Variants in CARNMT1 observed in about 807,000 individuals in gnomAD.
CARNMT1 encodes the protein protein-L-histidine N-pros-methyltransferase CARNMT1.
CARNMT1 carries 28 observed loss-of-function variants against 49.6 expected under a neutral mutation model. The observed-to-expected ratio is 0.56, with a 90% CI of 0.42 to 0.77. The LOEUF (loss-of-function observed/expected upper bound fraction) is 0.77, where lower values mean the gene tolerates loss of function less well. Ranked by LOEUF, CARNMT1 falls within the 30% of genes least tolerant of loss-of-function variation. The probability of loss-of-function intolerance (pLI) is 0.00; values close to 1 mark genes in which losing one functional copy is unlikely to be tolerated. For missense variants in CARNMT1, 421 were observed against 512.6 expected, an observed-to-expected ratio of 0.82 and a Z score of 1.73; for synonymous variants, 178 against 175.0, an observed-to-expected ratio of 1.02 and a Z score of -0.13.
chr9:75,012,156 G>GA (rs1439141856), intron 3 of CARNMT1, among the ~76,000 whole-genome samples: 2 of 152,162 alleles, frequency 1.3e-5, no homozygotes, highest in Non-Finnish European at 1.5e-5. Context: ...TCAAGGTCTT[G>GA]ATGCCAAACA....
At chr9:74,992,328 A>C (rs1833051642) in intron 6 of CARNMT1, among the ~76,000 whole-genome samples, 2 of 152,042 alleles carry the variant, frequency 1.3e-5, no homozygotes, top group Admixed American at 1.3e-4. Context: ...ATCTGATAAG[A>C]CCTATCTTTC....
intron 2 of CARNMT1, 100 bp downstream of exon 2, chr9:75,017,153 G>A (rs543524461): frequency 2.3e-6 from 2 of 857,028 alleles, no homozygotes; most frequent in African/African-American, 3.4e-5. Context: ...AGAGCAAATA[G>A]CCTGTGCCAG....
Position 75,016,331 on chromosome 9 carries a change from T to G in CARNMT1, c.527A>C (p.Glu176Ala). 6.2e-7 allele frequency: 1 copy of G among 1,614,154 alleles called. No homozygotes were observed. The highest frequency in any genetic ancestry group is 8.5e-7 in the Non-Finnish European group (1 of 1,180,010). ...VRDWSETGKA[E>A]RDACYQPIIK... The stretch of plus-strand genomic sequence containing the variant: ...GATTGGCTGGTAACAGGCATCCCTT[T>G]CTGCTTTCCCAGTTTCACTCCAGTC... Residue 176 changes from glutamate (E) to alanine (A), a missense_variant, in exon 3 of 8, where the codon GAA (glutamate) becomes GCA (alanine). This residue lies in a region of CARNMT1 where 235 missense variants were observed against 344.8 expected (regional missense o/e 0.68). Coordinates refer to ENST00000376834, the MANE Select transcript of CARNMT1 (RefSeq NM_152420.3).
At chr9:75,008,300 T>A (rs771849108) in intron 3 of CARNMT1, among the ~76,000 whole-genome samples, 3 of 152,150 alleles carry the variant, frequency 2.0e-5, no homozygotes, top group Non-Finnish European at 4.4e-5. Context: ...CAAGTTTGAT[T>A]TAAAAGAATT....
At chr9:75,023,361 T>A (rs982423594) in intron 1 of CARNMT1, among the ~76,000 whole-genome samples, 1 of 152,182 alleles carries the variant, frequency 6.6e-6, no homozygotes, top group Non-Finnish European at 1.5e-5. Flanking sequence ...GCAATAAATG[T>A]TCAGTTATAT....
intron 1 of CARNMT1, among the ~76,000 whole-genome samples, chr9:75,021,403 C>A (rs961259125): frequency 7.0e-6 from 1 of 143,754 alleles, no homozygotes; most frequent in Non-Finnish European, 1.5e-5. Flanking sequence ...AGTATATATA[C>A]TATATACATA....
chr9:74,982,571 T>C lies in CARNMT1; in HGVS notation c.*1196A>G, dbSNP rs1454788804. 7 of 152,198 alleles carry C rather than the reference T, an allele frequency of 4.6e-5. No individual in the cohort carries two copies. Among genetic ancestry groups the C allele is most frequent in the Non-Finnish European group, 7.4e-5 (5 of 68,026 alleles). 9.4% of individuals were successfully genotyped at this position (152,198 alleles called of 1,614,324 possible). On this transcript the variant is annotated 3_prime_UTR_variant, in exon 8 of 8. Transcript: ENST00000376834. ...TACATGATGGCTGCTGCTTACAATATTGAAGACACAGACCACGGGCAGTAA... is the reference window on the plus strand; with the variant it reads ...TACATGATGGCTGCTGCTTACAATACTGAAGACACAGACCACGGGCAGTAA...
intron 1 of CARNMT1, among the ~76,000 whole-genome samples, chr9:75,020,265 TTC>T (rs1822305552): frequency 4.2e-5 from 6 of 141,650 alleles, no homozygotes; most frequent in Admixed American, 4.2e-4. Flanking sequence ...TTCATTTTTC[TTC>T]TTTTTTTTTT....
rs1299491486 is a variant in CARNMT1 at position 74,982,373 on chromosome 9, G to A, written c.*1394C>T. ...AGTTCTTCCTTTTCTCCAAGAAAAG[G>A]CTAAAACATTAGTCATCTCTACTTT... On this transcript the variant is annotated 3_prime_UTR_variant, in exon 8 of 8. Transcript: ENST00000376834. The A allele has an allele frequency of 1.3e-5, 2 of 152,082 alleles. No individual in the cohort carries two copies. Among genetic ancestry groups the A allele is most frequent in the Non-Finnish European group, 2.9e-5 (2 of 68,018 alleles). The allele number at this position is 152,082 out of a possible 1,614,324, so 9.4% of individuals were successfully genotyped here.
intron 1 of CARNMT1, 118 bp downstream of exon 1, chr9:75,027,894 G>T: frequency 8.6e-7 from 1 of 1,159,670 alleles, no homozygotes; most frequent in South Asian, 1.9e-5. Flanking sequence ...TGCAGCAGCC[G>T]GGTCCCGACG....
chr9:75,006,271 T>C (rs953503126), intron 3 of CARNMT1, among the ~76,000 whole-genome samples: 3 of 151,692 alleles, frequency 2.0e-5, no homozygotes, highest in African/African-American at 7.3e-5. Context: ...AGGGTGGTCT[T>C]GAACTCCTGA....
chr9:74,985,280 G>A (rs928302275), intron 6 of CARNMT1, among the ~76,000 whole-genome samples: 9 of 152,184 alleles, frequency 5.9e-5, no homozygotes, highest in Admixed American at 1.3e-4. Flanking sequence ...GTTACTGAAG[G>A]AGTAGATGAA....
intron 6 of CARNMT1, among the ~76,000 whole-genome samples, chr9:74,995,804 A>G (rs990622487): frequency 6.6e-6 from 1 of 152,212 alleles, no homozygotes; most frequent in Admixed American, 6.5e-5. Flanking sequence ...GAATACATGT[A>G]TATCTACCTG....
chr9:74,991,811 A>G (rs1324323490), intron 6 of CARNMT1: 1 of 152,126 alleles, frequency 6.6e-6, no homozygotes, highest in East Asian at 1.9e-4. Context: ...CGCAAAACTT[A>G]CCTATCTACC....
chr9:75,022,762 G>C (rs1246436609), intron 1 of CARNMT1, among the ~76,000 whole-genome samples: 3 of 152,056 alleles, frequency 2.0e-5, no homozygotes, highest in Admixed American at 1.3e-4. Context: ...TATCCAAAGT[G>C]AACTTAGCAC....
Position 74,984,904 on chromosome 9 carries a change from T to C in CARNMT1, c.1128+3A>G. ...CTTTGGCAATATTTTATTCCATTCT[T>C]ACCTCTACCTTGAATCCATACTGCA... On this transcript the variant is annotated splice_donor_region_variant and intron_variant, in intron 7 of 7. Coordinates refer to ENST00000376834, the MANE Select transcript of CARNMT1 (RefSeq NM_152420.3). The C allele has an allele frequency of 1.2e-6, 2 of 1,601,056 alleles. No homozygotes were observed. The highest frequency in any genetic ancestry group is 8.6e-7 in the Non-Finnish European group (1 of 1,168,456).
In CARNMT1 at chr9:74,983,237, A is replaced by G. The variant is rs1160965673; in HGVS notation, c.*530T>C. On this transcript the variant is annotated 3_prime_UTR_variant, in exon 8 of 8. Transcript: ENST00000376834. ...ACTCCGGCCTGGGAGACAGAGCGGG[A>G]TCCTGTCTCTGAAGAAAAAAAAAAA... 7.0e-6 allele frequency: 1 copy of G among 143,700 alleles called. No homozygotes were observed. Among genetic ancestry groups the G allele is most frequent in the East Asian group, 2.1e-4 (1 of 4,810 alleles). 8.9% of individuals were successfully genotyped at this position (143,700 alleles called of 1,614,324 possible). A position where few individuals can be genotyped will look rare whatever the true frequency, so the allele number is the denominator to read the frequency against.
chr9:75,027,037 A>G (rs1822549666), intron 1 of CARNMT1: 1 of 1,290,700 alleles, frequency 7.7e-7, no homozygotes, highest in Non-Finnish European at 1.0e-6. Flanking sequence ...GAACCCACCT[A>G]TGGGAACAGG....
intron 6 of CARNMT1, among the ~76,000 whole-genome samples, chr9:74,988,090 CT>C (rs1007103994): frequency 2.0e-5 from 3 of 150,520 alleles, no homozygotes; most frequent in Non-Finnish European, 3.0e-5. Flanking sequence ...AATTATTTAA[CT>C]TTTTTTTTAG....
Sources: gnomAD v4.1 joint callset for allele counts (sites outside exome capture counted in the v4.1 genomes callset) on GRCh38, gnomAD v4.1.1 for gene constraint, gnomAD v4.1.1 regional missense constraint, MANE v1.5 for transcripts, NCBI Gene and HGNC (gene_info 2026-07-23, HGNC 2026-07-21) for gene names.